Variants in ST8SIA1 observed in about 807,000 individuals in gnomAD.
The protein encoded by ST8SIA1 is alpha-N-acetylneuraminide alpha-2,8-sialyltransferase.
A neutral mutation model predicts 35.9 loss-of-function variants in ST8SIA1; 16 were observed. That is an observed-to-expected ratio of 0.45 (90% CI 0.30 to 0.68). ST8SIA1 has a LOEUF of 0.68. Ranked by LOEUF, ST8SIA1 falls within the 30% of genes least tolerant of loss-of-function variation. The pLI is 0.09. For missense variants in ST8SIA1, 383 were observed against 453.6 expected (o/e 0.84, Z 1.41); for synonymous variants, 170 against 169.6 (o/e 1.00, Z -0.02).
At chr12:22,218,823 A>AAAAT (rs1169913861) in intron 4 of ST8SIA1, among the ~76,000 whole-genome samples, 1 of 151,498 alleles carries the variant, frequency 6.6e-6, no homozygotes, top group African/African-American at 2.4e-5. Context: ...TGGTCTCAAA[A>AAAAT]AAATAAATAA....
At chr12:22,276,760 T>C (rs567134082) in intron 2 of ST8SIA1, among the ~76,000 whole-genome samples, 154 of 152,166 alleles carry the variant, frequency 1.0e-3, no homozygotes, top group African/African-American at 3.6e-3. Context: ...TCTTGTAGAT[T>C]TTATTTTTAA....
intron 2 of ST8SIA1, among the ~76,000 whole-genome samples, chr12:22,285,859 G>C (rs978885521): frequency 2.7e-5 from 2 of 75,176 alleles, no homozygotes; most frequent in African/African-American, 5.5e-5. Flanking sequence ...AACAGAGTAA[G>C]TAAGACTCTG....
intron 4 of ST8SIA1, among the ~76,000 whole-genome samples, chr12:22,238,624 G>A (rs1295469063): frequency 6.6e-6 from 1 of 152,146 alleles, no homozygotes; most frequent in Non-Finnish European, 1.5e-5. Context: ...ACCAAAGGAT[G>A]ACCTGTCACT....
At chr12:22,223,923 T>G in intron 4 of ST8SIA1, 1 of 713,230 alleles carries the variant, frequency 1.4e-6, no homozygotes, top group Non-Finnish European at 1.8e-6. Context: ...CTTTATACAT[T>G]GCTAGATTAT....
At chr12:22,285,877 C>CAAAAAAAAAA (rs1398352110) in intron 2 of ST8SIA1, among the ~76,000 whole-genome samples, 2 of 103,630 alleles carry the variant, frequency 1.9e-5, no homozygotes, top group African/African-American at 7.4e-5. Context: ...CTGTCAAAAA[C>CAAAAAAAAAA]AAAAAAAAAA....
At chr12:22,263,416 ATTTGTTGC>A in intron 2 of ST8SIA1, among the ~76,000 whole-genome samples, 1 of 152,110 alleles carries the variant, frequency 6.6e-6, no homozygotes, top group East Asian at 1.9e-4. Flanking sequence ...TGCAGCCTAC[ATTTGTTGC>A]TTTGTTGCTT....
At chr12:22,284,648 T>C (rs1339551225) in intron 2 of ST8SIA1, among the ~76,000 whole-genome samples, 1 of 152,198 alleles carries the variant, frequency 6.6e-6, no homozygotes, top group African/African-American at 2.4e-5. Context: ...TTCTGCCTTT[T>C]GCAATGGCTG....
chr12:22,297,388 T>C (rs997412331), intron 1 of ST8SIA1, among the ~76,000 whole-genome samples: 3 of 151,020 alleles, frequency 2.0e-5, no homozygotes, highest in Admixed American at 6.6e-5. Context: ...CAGTAGCGTC[T>C]GTCCTGAAAT....
Position 22,198,949 on chromosome 12 carries a change from G to A in ST8SIA1, c.*2603C>T, listed in dbSNP as rs1395083346. On this transcript the variant is annotated 3_prime_UTR_variant, in exon 5 of 5. Transcript: ENST00000396037. ...CCAGACATTGCCAAATGTCACCAGA[G>A]AGGGATAATGAATCACCCCAGCTGA... 1 of 152,140 alleles carries A rather than the reference G, an allele frequency of 6.6e-6. No homozygotes were observed. Among genetic ancestry groups the A allele is most frequent in the African/African-American group, 2.4e-5 (1 of 41,422 alleles). 9.4% of individuals were successfully genotyped at this position (152,140 alleles called of 1,614,324 possible).
intron 1 of ST8SIA1, among the ~76,000 whole-genome samples, chr12:22,288,401 G>C (rs1466260325): frequency 6.6e-6 from 1 of 152,160 alleles, no homozygotes. Context: ...CTTTCGTTGA[G>C]AGTTCACTGA....
At chr12:22,272,466 T>C (rs1865922389) in intron 2 of ST8SIA1, among the ~76,000 whole-genome samples, 1 of 152,240 alleles carries the variant, frequency 6.6e-6, no homozygotes, top group Non-Finnish European at 1.5e-5. Context: ...AAATTATTAC[T>C]GTCTCTGGCA....
Position 22,201,569 on chromosome 12 carries a change from G to A in ST8SIA1, c.1054C>T (p.Leu352Phe). The part of the protein sequence containing the change: ...MQLDPCEDTS[L>F]QPTS ...CATTGTTCCTAGGAAGTGGGCTGGA[G>A]TGAGGTATCTTCACATGGGTCCAGC... The change falls in exon 5 of 5, where the codon CTC becomes TTC. Residue 352 changes from leucine (L) to phenylalanine (F), a missense_variant. Physicochemically the swap from Leu to Phe is conservative, Grantham distance 22 (BLOSUM62 0). Coordinates refer to ENST00000396037, the MANE Select transcript of ST8SIA1 (RefSeq NM_003034.4). 6.2e-7 allele frequency: 1 copy of A among 1,610,302 alleles called. No homozygotes were observed. The highest frequency in any genetic ancestry group is 1.1e-5 in the South Asian group (1 of 90,216).
intron 3 of ST8SIA1, among the ~76,000 whole-genome samples, chr12:22,252,450 T>C (rs1392967029): frequency 2.0e-5 from 3 of 152,334 alleles, no homozygotes; most frequent in Admixed American, 1.3e-4. Flanking sequence ...TTTGAAATAA[T>C]TTATCAACTT....
intron 2 of ST8SIA1, among the ~76,000 whole-genome samples, chr12:22,267,936 C>T (rs1047163589): frequency 6.6e-6 from 1 of 152,168 alleles, no homozygotes; most frequent in Non-Finnish European, 1.5e-5. Context: ...TTGGCATGCA[C>T]ATCCTGCCCA....
intron 4 of ST8SIA1, among the ~76,000 whole-genome samples, chr12:22,223,114 A>G (rs1865318151): frequency 6.6e-6 from 1 of 152,218 alleles, no homozygotes; most frequent in South Asian, 2.1e-4. Flanking sequence ...GAATTATAAA[A>G]TTAATTTATG....
chr12:22,223,363 T>C (rs993146544), intron 4 of ST8SIA1: 1 of 188,978 alleles, frequency 5.3e-6, no homozygotes, highest in African/African-American at 2.4e-5. Flanking sequence ...GTTTAGAGTG[T>C]GGTGCATGTA....
chr12:22,210,492 G>A (rs1270102934), intron 4 of ST8SIA1, among the ~76,000 whole-genome samples: 1 of 152,090 alleles, frequency 6.6e-6, no homozygotes, highest in African/African-American at 2.4e-5. Flanking sequence ...CAGTTTTACA[G>A]CAGACACCAG....
chr12:22,215,712 A>G (rs1865227270), intron 4 of ST8SIA1, among the ~76,000 whole-genome samples: 1 of 152,220 alleles, frequency 6.6e-6, no homozygotes, highest in Non-Finnish European at 1.5e-5. Flanking sequence ...AACCAAACTA[A>G]AAACATATAT....
intron 1 of ST8SIA1, among the ~76,000 whole-genome samples, chr12:22,326,881 A>G (rs926306680): frequency 5.3e-5 from 8 of 152,208 alleles, no homozygotes; most frequent in African/African-American, 1.9e-4. Context: ...ATCCATCATG[A>G]AGAGTGCATT....
Sources: gnomAD v4.1 joint callset for allele counts (sites outside exome capture counted in the v4.1 genomes callset) on GRCh38, gnomAD v4.1.1 for gene constraint, MANE v1.5 for transcripts, NCBI Gene and HGNC (gene_info 2026-07-23, HGNC 2026-07-21) for gene names.